The following LAMA1 variants were observed in gnomAD, a reference collection of about 807,000 sequenced individuals.
LAMA1 encodes laminin subunit alpha 1.
A neutral mutation model predicts 348.7 loss-of-function variants in LAMA1; 219 were observed. That is an observed-to-expected ratio of 0.63 (90% CI 0.56 to 0.70). LAMA1 has a LOEUF of 0.70. Among genes scored for constraint, LAMA1 ranks in the 30% least tolerant of loss-of-function variants. LAMA1 has a pLI of 0.00. For missense variants in LAMA1, 3,744 were observed against 3,888.0 expected (o/e 0.96, Z 0.99); for synonymous variants, 1,487 against 1,491.0 (o/e 1.00, Z 0.06).
At chr18:7,031,463 A>T (rs1404869023) in intron 16 of LAMA1, among the ~76,000 whole-genome samples, 1 of 152,192 alleles carries the variant, frequency 6.6e-6, no homozygotes, top group Non-Finnish European at 1.5e-5. Flanking sequence ...CTAACTATAA[A>T]GCATGGTATA....
At chr18:7,021,659 C>A (rs1375151991) in intron 19 of LAMA1, among the ~76,000 whole-genome samples, 2 of 151,386 alleles carry the variant, frequency 1.3e-5, no homozygotes, top group African/African-American at 2.4e-5. Context: ...AATATATCAG[C>A]TCAGATAGAA....
chr18:6,973,216 TACAAA>T lies in LAMA1; in HGVS notation c.6624-14_6624-10del. 6.2e-7 allele frequency: 1 copy of T among 1,613,920 alleles called. No homozygotes were observed. Reference sequence around the variant, plus strand: ...AACCAATGTTTCCAAATCTAAGGGTTACAAAGAATTGCAAAAGAAATTTTCAGAAT... The same window carrying T: ...AACCAATGTTTCCAAATCTAAGGGTTGAATTGCAAAAGAAATTTTCAGAAT... On this transcript the variant is annotated splice_polypyrimidine_tract_variant and intron_variant, in intron 46 of 62. Coordinates refer to ENST00000389658, the MANE Select transcript of LAMA1 (RefSeq NM_005559.4).
At chr18:6,942,848 T>C (rs1336875067) in intron 62 of LAMA1, among the ~76,000 whole-genome samples, 1 of 152,196 alleles carries the variant, frequency 6.6e-6, no homozygotes, top group East Asian at 1.9e-4. Flanking sequence ...ACCAGAGAGA[T>C]GAGTCACAAG....
chr18:7,024,577 C>A (rs1382363061), intron 17 of LAMA1, 111 bp from the exon 18 acceptor site: 1 of 873,832 alleles, frequency 1.1e-6, no homozygotes, highest in East Asian at 2.7e-5. Flanking sequence ...TTCAATGAGA[C>A]CTCCTTAGCT....
chr18:6,965,996 C>T (rs2144017957), intron 49 of LAMA1, 151 bp downstream of exon 49: 1 of 782,356 alleles, frequency 1.3e-6, no homozygotes, highest in Non-Finnish European at 2.1e-6. Context: ...GTTTAGCACA[C>T]ACATATATTA....
At chr18:7,109,026 A>T (rs974529634) in intron 1 of LAMA1, among the ~76,000 whole-genome samples, 2 of 152,210 alleles carry the variant, frequency 1.3e-5, no homozygotes, top group African/African-American at 4.8e-5. Flanking sequence ...TTGAAGACCA[A>T]CTGGAAAGGT....
At chr18:7,067,994 C>T (rs1013604423) in intron 3 of LAMA1, among the ~76,000 whole-genome samples, 3 of 152,166 alleles carry the variant, frequency 2.0e-5, no homozygotes, top group Non-Finnish European at 2.9e-5. Context: ...GGTGGCATTA[C>T]AGGCATGCAC....
chr18:6,952,367 G>A (rs1296958400), intron 57 of LAMA1, among the ~76,000 whole-genome samples: 1 of 152,180 alleles, frequency 6.6e-6, no homozygotes, highest in African/African-American at 2.4e-5. Flanking sequence ...TGACCGGATG[G>A]TTAAACGAGG....
intron 37 of LAMA1, 152 bp downstream of exon 37, chr18:6,985,985 C>T: frequency 1.2e-6 from 1 of 810,498 alleles, no homozygotes; most frequent in African/African-American, 1.7e-5. Context: ...GTCTCGATCT[C>T]TTGACCTCAT....
At chr18:7,117,143 C>A (rs900939972) in intron 1 of LAMA1, among the ~76,000 whole-genome samples, 38 of 152,216 alleles carry the variant, frequency 2.5e-4, no homozygotes, top group Admixed American at 1.1e-3. Flanking sequence ...GCTTGGCTGC[C>A]AGGGGCCCCG....
In LAMA1 at chr18:7,043,104, G is replaced by A. The variant is rs74837126; in HGVS notation, c.1155+123C>T. Reference sequence around the variant, plus strand: ...AAATATATATATAAAAACACTACTGGCATAACAAGGATATAAATGAAATAT... The same window carrying A: ...AAATATATATATAAAAACACTACTGACATAACAAGGATATAAATGAAATAT... On this transcript the variant is annotated intron_variant, in intron 8 of 62. Coordinates refer to ENST00000389658, the MANE Select transcript of LAMA1 (RefSeq NM_005559.4). 4.9e-3 allele frequency: 4,364 copies of A among 895,450 alleles called. 113 individuals carry two copies. In the African/African-American group the frequency reaches 0.062, roughly 13 times the overall value. The allele number at this position is 895,450 out of a possible 1,614,324, so 55.5% of individuals were successfully genotyped here.
chr18:7,113,789 G>A (rs376358701), intron 1 of LAMA1, among the ~76,000 whole-genome samples: 28 of 152,016 alleles, frequency 1.8e-4, no homozygotes, highest in Non-Finnish European at 3.8e-4. Context: ...TAAAAAATGG[G>A]AAAGAGGCCG....
chr18:7,044,266 G>A (rs747083769), intron 7 of LAMA1, among the ~76,000 whole-genome samples: 12 of 151,466 alleles, frequency 7.9e-5, no homozygotes, highest in Non-Finnish European at 8.8e-5. Flanking sequence ...TAACATATGC[G>A]TTATATGCAT....
In LAMA1 at chr18:6,956,680, CG is replaced by C; in HGVS notation, c.8049del (p.Asp2684MetfsTer58). The C allele has an allele frequency of 6.2e-7, 1 of 1,614,186 alleles. No homozygotes were observed. Among genetic ancestry groups the C allele is most frequent in the Non-Finnish European group, 8.5e-7 (1 of 1,180,038 alleles). ...GGCAAGAGCTTGCTGTCCTCTGCAT[CG>C]GGAGCCAGCTTAGGCCTTTCTGACA... ...CWLSERPKLAPDAEDSKLLPE... is the reference protein window; with the variant it reads ...CWLSERPKLAXDAEDSKLLPE... On this transcript the variant is annotated frameshift_variant, in exon 56 of 63. Coordinates refer to ENST00000389658, the MANE Select transcript of LAMA1 (RefSeq NM_005559.4). LOFTEE classifies it high-confidence loss of function.
chr18:7,050,105 T>A (rs1272326978), intron 4 of LAMA1, among the ~76,000 whole-genome samples: 5 of 152,224 alleles, frequency 3.3e-5, no homozygotes, highest in African/African-American at 1.2e-4. Flanking sequence ...CCACAAAGCC[T>A]GAATGATACA....
chr18:6,944,714 G>A (rs551576174), intron 61 of LAMA1, among the ~76,000 whole-genome samples: 4 of 152,182 alleles, frequency 2.6e-5, no homozygotes, highest in African/African-American at 7.2e-5. Flanking sequence ...CATTGATCTC[G>A]GACTTCTAGT....
rs1190784549 is a variant in LAMA1 at position 7,007,258 on chromosome 18, G to T, written c.4141C>A (p.His1381Asn). 6.2e-7 allele frequency: 1 copy of T among 1,614,026 alleles called. No homozygotes were observed. The highest frequency in any genetic ancestry group is 1.7e-5 in the Admixed American group (1 of 60,008). Reference sequence around the variant, plus strand: ...CTCCCTGCTGGGAGCTTCCCTCTGTGGTACCCAGGGGCGCAGTCCTGAGGG... The same window carrying T: ...CTCCCTGCTGGGAGCTTCCCTCTGTTGTACCCAGGGGCGCAGTCCTGAGGG... ...FSCQDCAPGY[H>N]RGKLPAGSDR... Residue 1381 changes from histidine (H) to asparagine (N), a missense_variant, in exon 29 of 63, where the codon CAC becomes AAC. By Grantham distance (68) the His-to-Asn change is moderately conservative. This residue lies in a region of LAMA1 where 1,983 missense variants were observed against 1,934.3 expected (regional missense o/e 1.03). Transcript: ENST00000389658.
intron 29 of LAMA1, among the ~76,000 whole-genome samples, chr18:7,004,455 T>G (rs925800458): frequency 1.3e-5 from 2 of 152,008 alleles, no homozygotes; most frequent in African/African-American, 4.8e-5. Context: ...TGGGTTCAAG[T>G]GATTCTTCTG....
chr18:6,967,627 C>T (rs551779244), intron 48 of LAMA1, among the ~76,000 whole-genome samples: 27 of 152,300 alleles, frequency 1.8e-4, no homozygotes, highest in Admixed American at 1.2e-3. Context: ...CTGCAGTGTT[C>T]GGAGGTCCTC....
Sources: allele counts gnomAD v4.1 joint callset (sites outside exome capture counted in the v4.1 genomes callset), GRCh38; gene constraint gnomAD v4.1.1; regional missense constraint gnomAD v4.1.1; transcripts MANE v1.5; gene names NCBI Gene and HGNC (gene_info 2026-07-23, HGNC 2026-07-21).